SART1: variants seen among roughly 807,000 people sequenced by gnomAD.
SART1 encodes U4/U6.U5 tri-snRNP-associated protein 1.
A neutral mutation model predicts 105.0 loss-of-function variants in SART1; 28 were observed. The ratio of observed to expected loss-of-function variants is 0.27; its 90% CI spans 0.20 to 0.37. The LOEUF (loss-of-function observed/expected upper bound fraction) is 0.37, where lower values mean the gene tolerates loss of function less well. SART1 is among the 10% of genes least tolerant of loss of function. The pLI, the probability that SART1 is intolerant of heterozygous loss-of-function variation, is 1.00. For missense variants in SART1, 894 were observed against 1,106.5 expected (o/e 0.81, Z 2.72); for synonymous variants, 472 against 462.9 (o/e 1.02, Z -0.25).
intron 12 of SART1, among the ~76,000 whole-genome samples, chr11:65,969,944 A>T (rs974321421): frequency 6.6e-6 from 1 of 152,000 alleles, no homozygotes; most frequent in African/African-American, 2.4e-5. Context: ...GGCTGGTCTC[A>T]AACTCCTCAC....
rs769498116 is a variant in SART1, at chr11:65,967,299, G to T, written c.1229G>T (p.Arg410Leu). 1.2e-6 allele frequency: 2 copies of T among 1,614,064 alleles called. No homozygotes were observed. The highest frequency in any genetic ancestry group is 1.3e-5 in the African/African-American group (1 of 75,006). The stretch of plus-strand genomic sequence containing the variant: ...ACCAAGCGGAGGGTGAAGAAAATCC[G>T]CAAGAAGGAGAAGGAGGTAGTAGTG... ...KKTKRRVKKI[R>L]KKEKEVVVRA... is the part of the protein sequence containing the mutation. Residue 410 changes from arginine (R) to leucine (L), a missense_variant, in exon 10 of 20, where the codon CGC (arginine) becomes CTC (leucine). Transcript: ENST00000312397.
At position 65,966,237 on chromosome 11, in the gene SART1, G is replaced by C. The variant is rs1484948055; in HGVS notation, c.981+19G>C. ...GGCGCAGGCACGGCCTGGGCAGGCT[G>C]GGTGGCGGGGGCTGAGGTGGAGAAT... On this transcript the variant is annotated intron_variant, in intron 8 of 19. Transcript: ENST00000312397. 1 of 1,613,956 alleles carries C rather than the reference G, an allele frequency of 6.2e-7. No homozygotes were observed. Among genetic ancestry groups the C allele is most frequent in the East Asian group, 2.2e-5 (1 of 44,886 alleles).
At chr11:65,969,197 C>G (rs989036218) in intron 12 of SART1, among the ~76,000 whole-genome samples, 8 of 152,170 alleles carry the variant, frequency 5.3e-5, no homozygotes, top group Admixed American at 5.2e-4. Context: ...CATATGGTCT[C>G]TGTTAGGCAC....
At chr11:65,963,351 C>T (rs1039158307) in intron 1 of SART1, among the ~76,000 whole-genome samples, 2 of 152,010 alleles carry the variant, frequency 1.3e-5, no homozygotes, top group African/African-American at 2.4e-5. Flanking sequence ...GATTTAGAAA[C>T]GAGGAGGCTG....
chr11:65,976,508 C>T lies in SART1; in HGVS notation c.1686C>T (p.Thr562=). The T allele has an allele frequency of 6.3e-7, 1 of 1,598,560 alleles. No individual in the cohort carries two copies. Residue 562 remains threonine, a synonymous_variant, in exon 13 of 20, where the codon ACC becomes ACT. Transcript: ENST00000312397. This position sits in a 1 kb window ranked among gnomAD's most constrained non-coding sequence, Gnocchi z 5.1. ...VFNATSEFCR[T]LGEIPTYGLA... is the part of the protein sequence containing the mutation. ...ACGCCACGTCCGAGTTCTGCCGCAC[C>T]TTGGGGGAGATCCCCACCTACGGGC...
rs1392690277 is a variant in SART1, at chr11:65,961,808, G to A, written c.28G>A (p.Glu10Lys). ...GGGGTCGTCCAAGAAGCATCGCGGA[G>A]AGAAGGAGGCGGCCGGGACGACGGC... MGSSKKHRG[E>K]KEAAGTTAAA... is the part of the protein sequence containing the mutation. The change falls in exon 1 of 20, where the codon GAG (glutamate) becomes AAG (lysine). Residue 10 changes from glutamate (E) to lysine (K), a missense_variant. By Grantham distance (56) the Glu-to-Lys change is moderately conservative. Coordinates refer to ENST00000312397, the MANE Select transcript of SART1 (RefSeq NM_005146.5). The A allele has an allele frequency of 6.4e-7, 1 of 1,557,368 alleles. No individual in the cohort carries two copies. The highest frequency in any genetic ancestry group is 8.6e-7 in the Non-Finnish European group (1 of 1,158,564).
intron 1 of SART1, chr11:65,963,859 G>A: frequency 3.3e-6 from 2 of 600,580 alleles, no homozygotes; most frequent in Non-Finnish European, 5.9e-6. Flanking sequence ...CTTGGGTCAG[G>A]AAAGGAAGGT....
intron 1 of SART1, 81 bp from the exon 2 acceptor site, chr11:65,963,993 T>G (rs1376804185): frequency 7.7e-7 from 1 of 1,295,322 alleles, no homozygotes; most frequent in East Asian, 2.4e-5. Context: ...GGCCCTCATT[T>G]TTGTTCCTGC....
Position 65,964,044 on chromosome 11 carries a change from G to C in SART1, c.314-30G>C, listed in dbSNP as rs200870704. 24 of 1,605,612 alleles carry C rather than the reference G, an allele frequency of 1.5e-5. No homozygotes were observed. In the East Asian group the frequency reaches 5.3e-4, roughly 36 times the overall value. The stretch of plus-strand genomic sequence containing the variant: ...TGCTGGCTTCTTGGCCCTGTGTTCA[G>C]CTCCTGAGCCATGCTTCTTCTTGTT... On this transcript the variant is annotated intron_variant, in intron 1 of 19. Transcript: ENST00000312397.
chr11:65,976,530 G>GGGCT lies in SART1; in HGVS notation c.1716_1719dup (p.Asn574TrpfsTer13). On this transcript the variant is annotated frameshift_variant, in exon 13 of 20. Coordinates refer to ENST00000312397, the MANE Select transcript of SART1 (RefSeq NM_005146.5). LOFTEE classifies it high-confidence loss of function. This position sits in a 1 kb window ranked among gnomAD's most constrained non-coding sequence, Gnocchi z 5.1. ...CACCTTGGGGGAGATCCCCACCTACGGGCTGGCTGGCAATCGCGAGGAGCA... is the reference window on the plus strand; with the variant it reads ...CACCTTGGGGGAGATCCCCACCTACGGGCTGGCTGGCTGGCAATCGCGAGGAGCA... The GGGCT allele has an allele frequency of 6.2e-7, 1 of 1,606,916 alleles. No homozygotes were observed. Among genetic ancestry groups the GGGCT allele is most frequent in the Non-Finnish European group, 8.5e-7 (1 of 1,176,040 alleles).
chr11:65,975,805 G>T (rs1217641011), intron 12 of SART1, among the ~76,000 whole-genome samples: 1 of 152,114 alleles, frequency 6.6e-6, no homozygotes, highest in Admixed American at 6.6e-5. Context: ...AGGGGAGATG[G>T]TAATCATTGT....
In SART1 at chr11:65,978,786, C is replaced by T; in HGVS notation, c.2263-7C>T. 1 of 1,613,974 alleles carries T rather than the reference C, an allele frequency of 6.2e-7. No individual in the cohort carries two copies. The highest frequency in any genetic ancestry group is 8.5e-7 in the Non-Finnish European group (1 of 1,179,936). On this transcript the variant is annotated splice_region_variant and splice_polypyrimidine_tract_variant and intron_variant, in intron 18 of 19. Transcript: ENST00000312397. The surrounding 1 kb of genome is among the most constrained non-coding windows in gnomAD (Gnocchi z 6.8). Reference sequence around the variant, plus strand: ...GCAGCCCTTTCTGAGTGGCCCCGACCCCTCAGCTCCTGAAGAAGATGAGCT... The same window carrying T: ...GCAGCCCTTTCTGAGTGGCCCCGACTCCTCAGCTCCTGAAGAAGATGAGCT...
chr11:65,962,758 G>C (rs1308934625), intron 1 of SART1, among the ~76,000 whole-genome samples: 3 of 152,220 alleles, frequency 2.0e-5, no homozygotes, highest in Non-Finnish European at 4.4e-5. Flanking sequence ...CTATAGGCCA[G>C]GGGAGGGCTG....
In SART1 at chr11:65,979,176, C is replaced by G. The variant is rs1176886275; in HGVS notation, c.*146C>G. On this transcript the variant is annotated 3_prime_UTR_variant, in exon 20 of 20. Coordinates refer to ENST00000312397, the MANE Select transcript of SART1 (RefSeq NM_005146.5). ...GAGTCTGGCTCCTGCTAGGTGAGAC[C>G]TGGCCATCAAATGACACAAACAACT... is the stretch of plus-strand genomic sequence containing the variant. 1 of 1,050,652 alleles carries G rather than the reference C, an allele frequency of 9.5e-7. No individual in the cohort carries two copies. Among genetic ancestry groups the G allele is most frequent in the Non-Finnish European group, 1.4e-6 (1 of 707,440 alleles). The allele number at this position is 1,050,652 out of a possible 1,614,324, so 65.1% of individuals were successfully genotyped here.
In SART1 at chr11:65,980,103, C is replaced by A. The variant is rs1411184602; in HGVS notation, c.*1073C>A. ...ACTGCAGCCTAGGTGACAGTCAGACCCTGTCTCAAAAAAAATAAAAAAAAT... is the reference window on the plus strand; with the variant it reads ...ACTGCAGCCTAGGTGACAGTCAGACACTGTCTCAAAAAAAATAAAAAAAAT... On this transcript the variant is annotated 3_prime_UTR_variant, in exon 20 of 20. Transcript: ENST00000312397. Among the ~76,000 whole-genome samples the A allele has an allele frequency of 6.6e-6, 1 of 151,816 alleles. No individual in the cohort carries two copies. The highest frequency in any genetic ancestry group is 1.5e-5 in the Non-Finnish European group (1 of 68,008).
intron 16 of SART1, 51 bp from the exon 17 acceptor site, chr11:65,977,713 C>A (rs377049028): frequency 1.2e-6 from 2 of 1,613,578 alleles, no homozygotes; most frequent in African/African-American, 2.7e-5. Context: ...AGCTTCGGGA[C>A]CACAGCAGGC....
chr11:65,964,234 T>G, intron 2 of SART1, 103 bp downstream of exon 2: 1 of 1,044,502 alleles, frequency 9.6e-7, no homozygotes, highest in Non-Finnish European at 1.5e-6. Context: ...TAATCAGAGT[T>G]GGAAAGATTG....
At chr11:65,969,785 C>T (rs1323812114) in intron 12 of SART1, among the ~76,000 whole-genome samples, 2 of 152,204 alleles carry the variant, frequency 1.3e-5, no homozygotes, top group Non-Finnish European at 2.9e-5. Flanking sequence ...TGCAGTGGCG[C>T]GATCTCGGCT....
At position 65,966,516 on chromosome 11, in the gene SART1, G is replaced by A; in HGVS notation, c.1148G>A (p.Gly383Glu). 1 of 1,572,570 alleles carries A rather than the reference G, an allele frequency of 6.4e-7. No individual in the cohort carries two copies. Residue 383 changes from glycine to glutamate, a missense_variant, in exon 9 of 20, where the codon GGG (glycine) becomes GAG (glutamate). This residue lies in a region of SART1 where 712 missense variants were observed against 778.2 expected (regional missense o/e 0.91). Transcript: ENST00000312397. ...CAGGCTCAGTCCCTGAGCACAGTGG[G>A]GCCCCGGCTGGCCTCCGAATACCTC... ...RLQAQSLSTV[G>E]PRLASEYLTP...
Sources: gnomAD v4.1 joint callset for allele counts (sites outside exome capture counted in the v4.1 genomes callset) on GRCh38, gnomAD v4.1.1 for gene constraint, gnomAD v4.1.1 regional missense constraint, Gnocchi (gnomAD v3.1) non-coding constraint, MANE v1.5 for transcripts, NCBI Gene and HGNC (gene_info 2026-07-23, HGNC 2026-07-21) for gene names.